Variants in DRC11 observed in about 807,000 individuals in gnomAD.
DRC11 encodes the protein IQ and AAA domain-containing protein 1.
the DRC11 span, among the ~76,000 whole-genome samples, chr2:236,327,740 T>C: frequency 6.6e-6 from 1 of 152,132 alleles, no homozygotes; most frequent in South Asian, 2.1e-4. Flanking sequence ...TGGAGTGCAA[T>C]GGCATGATCT....
chr2:236,461,559 A>G, the DRC11 span, among the ~76,000 whole-genome samples: 1 of 152,206 alleles, frequency 6.6e-6, no homozygotes, highest in African/African-American at 2.4e-5. This position sits in a 1 kb window ranked among gnomAD's most constrained non-coding sequence, Gnocchi z 4.0. Flanking sequence ...TACCAGTTTC[A>G]TCCTAGTACC....
At chr2:236,361,068 G>C in the DRC11 span, among the ~76,000 whole-genome samples, 1 of 152,128 alleles carries the variant, frequency 6.6e-6, no homozygotes, top group Non-Finnish European at 1.5e-5. The surrounding 1 kb of genome is among the most constrained non-coding windows in gnomAD (Gnocchi z 5.7). Context: ...TAGGCCCCAT[G>C]ATGACCCCGT....
chr2:236,331,665 C>T, the DRC11 span: 549 of 1,195,270 alleles, frequency 4.6e-4, 2 homozygotes, highest in African/African-American at 5.5e-3. This position sits in a 1 kb window ranked among gnomAD's most constrained non-coding sequence, Gnocchi z 4.8. Flanking sequence ...GTTTCCCTCT[C>T]GGTTGAAAGT....
the DRC11 span, among the ~76,000 whole-genome samples, chr2:236,310,770 C>T: frequency 6.6e-6 from 1 of 152,180 alleles, no homozygotes; most frequent in Admixed American, 6.5e-5. This position sits in a 1 kb window ranked among gnomAD's most constrained non-coding sequence, Gnocchi z 5.5. Flanking sequence ...GGCATTGTGC[C>T]TCATATAAAT....
the DRC11 span, among the ~76,000 whole-genome samples, chr2:236,433,448 G>A: frequency 3.9e-5 from 6 of 152,086 alleles, no homozygotes; most frequent in South Asian, 2.1e-4. Context: ...TTTTCTTCAC[G>A]TAGAATGTAC....
At chr2:236,312,566 G>GA in the DRC11 span, among the ~76,000 whole-genome samples, 3 of 151,846 alleles carry the variant, frequency 2.0e-5, no homozygotes, top group African/African-American at 4.8e-5. Context: ...TAGATTTTCA[G>GA]AAAAAATTGT....
At chr2:236,457,893 G>C in the DRC11 span, among the ~76,000 whole-genome samples, 1 of 152,164 alleles carries the variant, frequency 6.6e-6, no homozygotes, top group Non-Finnish European at 1.5e-5. This position sits in a 1 kb window ranked among gnomAD's most constrained non-coding sequence, Gnocchi z 4.7. Context: ...AATTTCTATT[G>C]TTTTAAGCCA....
chr2:236,392,798 C>T, the DRC11 span, among the ~76,000 whole-genome samples: 1 of 152,116 alleles, frequency 6.6e-6, no homozygotes, highest in Non-Finnish European at 1.5e-5. The surrounding 1 kb of genome is among the most constrained non-coding windows in gnomAD (Gnocchi z 5.1). Flanking sequence ...TTATCCCTTG[C>T]CTCCTATTAC....
chr2:236,479,456 G>A, the DRC11 span, among the ~76,000 whole-genome samples: 1 of 151,450 alleles, frequency 6.6e-6, no homozygotes, highest in Non-Finnish European at 1.5e-5. The surrounding 1 kb of genome is among the most constrained non-coding windows in gnomAD (Gnocchi z 4.1). Context: ...GATTTTCTCT[G>A]GCAATATATT....
the DRC11 span, among the ~76,000 whole-genome samples, chr2:236,321,264 T>C: frequency 6.6e-6 from 1 of 151,990 alleles, no homozygotes; most frequent in African/African-American, 2.4e-5. Flanking sequence ...TCTGTCAGAG[T>C]GGACTGATTA....
At chr2:236,476,909 C>T in the DRC11 span, among the ~76,000 whole-genome samples, 1 of 152,166 alleles carries the variant, frequency 6.6e-6, no homozygotes, top group Non-Finnish European at 1.5e-5. The surrounding 1 kb of genome is among the most constrained non-coding windows in gnomAD (Gnocchi z 4.7). Context: ...ACCGGCCCTC[C>T]ACCTCCAACA....
the DRC11 span, among the ~76,000 whole-genome samples, chr2:236,331,071 C>T: frequency 6.6e-6 from 1 of 152,100 alleles, no homozygotes; most frequent in East Asian, 1.9e-4. This position sits in a 1 kb window ranked among gnomAD's most constrained non-coding sequence, Gnocchi z 4.8. Context: ...GAAGTAAAAA[C>T]CCAAATAAGT....
At chr2:236,421,302 T>C in the DRC11 span, among the ~76,000 whole-genome samples, 1 of 152,016 alleles carries the variant, frequency 6.6e-6, no homozygotes, top group Admixed American at 6.6e-5. Flanking sequence ...ACTAAATTGA[T>C]AGACTGCTAG....
chr2:236,451,926 A>G, the DRC11 span, among the ~76,000 whole-genome samples: 3 of 152,224 alleles, frequency 2.0e-5, no homozygotes, highest in African/African-American at 7.2e-5. Context: ...TTATTTAAAA[A>G]TAAGTATGTA....
the DRC11 span, chr2:236,368,050 A>G: frequency 1.5e-6 from 1 of 682,842 alleles, no homozygotes; most frequent in Non-Finnish European, 2.7e-6. Context: ...CACTATCAAA[A>G]TGAAACTGTG....
At chr2:236,356,844 T>C in the DRC11 span, among the ~76,000 whole-genome samples, 4 of 150,108 alleles carry the variant, frequency 2.7e-5, no homozygotes, top group Non-Finnish European at 3.0e-5. Context: ...GAAATGTTTA[T>C]TGCATGTTCA....
the DRC11 span, among the ~76,000 whole-genome samples, chr2:236,317,400 G>A: frequency 6.6e-6 from 1 of 152,146 alleles, no homozygotes; most frequent in Non-Finnish European, 1.5e-5. The surrounding 1 kb of genome is among the most constrained non-coding windows in gnomAD (Gnocchi z 5.4). Context: ...GACGAACTGC[G>A]ACTGCCTGCA....
At chr2:236,306,963 C>G in the DRC11 span, among the ~76,000 whole-genome samples, 53 of 152,310 alleles carry the variant, frequency 3.5e-4, no homozygotes, top group African/African-American at 1.2e-3. This position sits in a 1 kb window ranked among gnomAD's most constrained non-coding sequence, Gnocchi z 5.9. Flanking sequence ...TCTACACCCC[C>G]TTCTTACACC....
the DRC11 span, among the ~76,000 whole-genome samples, chr2:236,483,995 G>A: frequency 2.0e-5 from 3 of 152,158 alleles, no homozygotes; most frequent in Non-Finnish European, 4.4e-5. This position sits in a 1 kb window ranked among gnomAD's most constrained non-coding sequence, Gnocchi z 4.8. Context: ...ACATAGTGGT[G>A]ACCACTTTAT....
Sources: allele counts gnomAD v4.1 joint callset (sites outside exome capture counted in the v4.1 genomes callset), GRCh38; gene constraint gnomAD v4.1.1; non-coding constraint Gnocchi (gnomAD v3.1); transcripts MANE v1.5; gene names NCBI Gene and HGNC (gene_info 2026-07-23, HGNC 2026-07-21).